Variants in SV2B observed in about 807,000 individuals in gnomAD.
SV2B encodes the protein synaptic vesicle glycoprotein 2B.
SV2B carries 41 observed loss-of-function variants against 73.9 expected under a neutral mutation model. The observed-to-expected ratio is 0.56, with a 90% CI of 0.43 to 0.72. The LOEUF is 0.72. Ranked by LOEUF, SV2B falls within the 30% of genes least tolerant of loss-of-function variation. The probability of loss-of-function intolerance (pLI) is 0.00; values close to 1 mark genes in which losing one functional copy is unlikely to be tolerated. For synonymous variants in SV2B, 314 were observed against 314.2 expected (o/e 1.00, Z 0.01); for missense variants, 764 against 857.8 (o/e 0.89, Z 1.37).
rs1047630346 is a variant in SV2B at position 91,261,509 on chromosome 15, A to G, written c.1008+1100A>G. Among the ~76,000 whole-genome samples, 9 of 152,138 alleles carry G rather than the reference A, an allele frequency of 5.9e-5. No homozygotes were observed. The highest frequency in any genetic ancestry group is 2.1e-4 in the South Asian group (1 of 4,822). ...CCTTGTTCCTGTAAATATTAGTGCA[A>G]TGAACCTTCTTGTGCACATAGTTCC... On this transcript the variant is annotated intron_variant, in intron 6 of 12. Transcript: ENST00000394232. The surrounding 1 kb of genome is among the most constrained non-coding windows in gnomAD (Gnocchi z 4.7).
rs773035725 is a variant in SV2B at position 91,226,172 on chromosome 15, TA to T, written c.-90del. ...GAACATATTTCACATTTGAACTACA[TA>T]ATGAATGATGGTTATTGAAATAGCC... On this transcript the variant is annotated 5_prime_UTR_variant, in exon 2 of 13. It adds an upstream start codon to the 5' untranslated region. Coordinates refer to ENST00000394232, the MANE Select transcript of SV2B (RefSeq NM_001323032.3). 11 of 1,239,184 alleles carry T rather than the reference TA, an allele frequency of 8.9e-6. No homozygotes were observed. The highest frequency in any genetic ancestry group is 1.5e-5 in the African/African-American group (1 of 65,660). 76.8% of individuals were successfully genotyped at this position (1,239,184 alleles called of 1,614,324 possible).
chr15:91,255,554 A>G (rs900620566), intron 4 of SV2B, among the ~76,000 whole-genome samples: 2 of 152,164 alleles, frequency 1.3e-5, no homozygotes, highest in African/African-American at 4.8e-5. Context: ...CCAAAATCTC[A>G]CAAATCACCA....
intron 1 of SV2B, among the ~76,000 whole-genome samples, chr15:91,186,385 A>G (rs144295476): frequency 0.023 from 3,437 of 152,318 alleles, 59 homozygotes; most frequent in Non-Finnish European, 0.033. Context: ...GCATCATGAT[A>G]AATAGAAAAA....
chr15:91,293,512 C>T lies in SV2B; in HGVS notation c.*960C>T, dbSNP rs1481796311. 1 of 152,202 alleles carries T rather than the reference C, an allele frequency of 6.6e-6. No homozygotes were observed. Among genetic ancestry groups the T allele is most frequent in the African/African-American group, 2.4e-5 (1 of 41,442 alleles). 9.4% of individuals were successfully genotyped at this position (152,202 alleles called of 1,614,324 possible). A position where few individuals can be genotyped will look rare whatever the true frequency, so the allele number is the denominator to read the frequency against. Reference sequence around the variant, plus strand: ...AGTGAGTAGTTACTTCTCTCCCTTACACAGATGACTTGTGAAACTCAAGCT... The same window carrying T: ...AGTGAGTAGTTACTTCTCTCCCTTATACAGATGACTTGTGAAACTCAAGCT... On this transcript the variant is annotated 3_prime_UTR_variant, in exon 13 of 13. Coordinates refer to ENST00000394232, the MANE Select transcript of SV2B (RefSeq NM_001323032.3).
chr15:91,226,739 C>T, intron 2 of SV2B, 25 bp downstream of exon 2: 1 of 1,591,236 alleles, frequency 6.3e-7, no homozygotes, highest in Non-Finnish European at 8.5e-7. Context: ...CCAATGATCC[C>T]TCCAATGAAA....
chr15:91,248,718 G>C (rs1040532747), intron 2 of SV2B, among the ~76,000 whole-genome samples: 2 of 152,208 alleles, frequency 1.3e-5, no homozygotes, highest in African/African-American at 4.8e-5. Flanking sequence ...GCCTCAGCTG[G>C]CAGCTTGTTA....
Position 91,281,935 on chromosome 15 carries a change from CA to C in SV2B, c.1507+75del, listed in dbSNP as rs141611149. On this transcript the variant is annotated intron_variant, in intron 10 of 12. Coordinates refer to ENST00000394232, the MANE Select transcript of SV2B (RefSeq NM_001323032.3). This position sits in a 1 kb window ranked among gnomAD's most constrained non-coding sequence, Gnocchi z 4.7. ...TGTGTTGTCCAAGAATCAAAATGGTCAGGCATAAACTTTAGGAGTAGGAAAG... is the reference window on the plus strand; with the variant it reads ...TGTGTTGTCCAAGAATCAAAATGGTCGGCATAAACTTTAGGAGTAGGAAAG... 2,865 of 1,483,772 alleles carry C rather than the reference CA, an allele frequency of 1.9e-3. 54 individuals carry two copies. In the African/African-American group the frequency reaches 0.037, roughly 19 times the overall value. The allele number at this position is 1,483,772 out of a possible 1,614,324, so 91.9% of individuals were successfully genotyped here.
At position 91,251,931 on chromosome 15, in the gene SV2B, C is replaced by T. The variant is rs758503750; in HGVS notation, c.564C>T (p.Phe188=). The T allele has an allele frequency of 1.2e-5, 19 of 1,614,034 alleles. No individual in the cohort carries two copies. The highest frequency in any genetic ancestry group is 3.3e-4 in the Middle Eastern group (2 of 6,084). Residue 188 remains phenylalanine, a synonymous_variant, in exon 3 of 13, where the codon TTC becomes TTT. Transcript: ENST00000394232. The stretch of plus-strand genomic sequence containing the variant: ...TGTCTCTGGCCGTCAATGCCTCCTT[C>T]GCCTCCCTCTCTTCCTTCGTGCAGG... The part of the protein sequence containing the change: ...LSMSLAVNAS[F]ASLSSFVQGY...
intron 1 of SV2B, among the ~76,000 whole-genome samples, chr15:91,147,464 A>AT (rs2043178737): frequency 6.6e-6 from 1 of 152,028 alleles, no homozygotes; most frequent in Non-Finnish European, 1.5e-5. Flanking sequence ...GGACAGCAGG[A>AT]TTTTTTCCTG....
chr15:91,152,772 C>A (rs2043354048), intron 1 of SV2B, among the ~76,000 whole-genome samples: 1 of 152,152 alleles, frequency 6.6e-6, no homozygotes, highest in Non-Finnish European at 1.5e-5. Context: ...TTCTGAGCTT[C>A]CTTTCATCCC....
chr15:91,294,785 G>A lies in SV2B; in HGVS notation c.*2233G>A, dbSNP rs1365383788. The stretch of plus-strand genomic sequence containing the variant: ...GCTGGGGTGGCTGCAATAATTTGGG[G>A]GCTAACTCCATTTGGTTTCCAAGAT... On this transcript the variant is annotated 3_prime_UTR_variant, in exon 13 of 13. Coordinates refer to ENST00000394232, the MANE Select transcript of SV2B (RefSeq NM_001323032.3). The surrounding 1 kb of genome is among the most constrained non-coding windows in gnomAD (Gnocchi z 4.1). 1 of 152,074 alleles carries A rather than the reference G, an allele frequency of 6.6e-6. No individual in the cohort carries two copies. Among genetic ancestry groups the A allele is most frequent in the Non-Finnish European group, 1.5e-5 (1 of 68,020 alleles). The allele number at this position is 152,074 out of a possible 1,614,324, so 9.4% of individuals were successfully genotyped here.
Position 91,241,438 on chromosome 15 carries a change from G to T in SV2B, c.452-10381G>T, listed in dbSNP as rs2047009678. Among the ~76,000 whole-genome samples the T allele has an allele frequency of 6.6e-6, 1 of 152,148 alleles. No individual in the cohort carries two copies. The highest frequency in any genetic ancestry group is 1.5e-5 in the Non-Finnish European group (1 of 68,028). On this transcript the variant is annotated intron_variant, in intron 2 of 12. Coordinates refer to ENST00000394232, the MANE Select transcript of SV2B (RefSeq NM_001323032.3). This position sits in a 1 kb window ranked among gnomAD's most constrained non-coding sequence, Gnocchi z 4.8. ...CTAAATTGATGATGCAGAGCCTCCA[G>T]AGGATCCTTTGTGCTGCCAGCCATC... is the stretch of plus-strand genomic sequence containing the variant.
chr15:91,242,672 T>C lies in SV2B; in HGVS notation c.452-9147T>C, dbSNP rs1408030676. On this transcript the variant is annotated intron_variant, in intron 2 of 12. Transcript: ENST00000394232. This position sits in a 1 kb window ranked among gnomAD's most constrained non-coding sequence, Gnocchi z 4.9. ...ACATCAGTATCCAGGGGTTGCTTAA[T>C]ACTTGATAAAAGGGTGAATAGCAGA... Among the ~76,000 whole-genome samples, 1 of 152,220 alleles carries C rather than the reference T, an allele frequency of 6.6e-6. No individual in the cohort carries two copies. The highest frequency in any genetic ancestry group is 2.4e-5 in the African/African-American group (1 of 41,448).
At chr15:91,273,434 TG>T (rs1278117982) in intron 9 of SV2B, among the ~76,000 whole-genome samples, 1 of 152,232 alleles carries the variant, frequency 6.6e-6, no homozygotes, top group Non-Finnish European at 1.5e-5. Context: ...AGGTCCTGCA[TG>T]GTTCTTGTGG....
At chr15:91,154,613 G>T (rs1028164072) in intron 1 of SV2B, among the ~76,000 whole-genome samples, 1 of 152,114 alleles carries the variant, frequency 6.6e-6, no homozygotes, top group African/African-American at 2.4e-5. Context: ...TGAGGTCATA[G>T]TGGATTAGAG....
intron 2 of SV2B, among the ~76,000 whole-genome samples, chr15:91,246,714 C>A (rs916277105): frequency 5.7e-5 from 4 of 70,378 alleles, no homozygotes; most frequent in Non-Finnish European, 9.6e-5. Context: ...CTCCTTTCAA[C>A]CTCCTCCTCC....
In SV2B at chr15:91,292,522, G is replaced by T. The variant is rs778360782; in HGVS notation, c.2022G>T (p.Leu674=). 6.2e-7 allele frequency: 1 copy of T among 1,613,940 alleles called. No individual in the cohort carries two copies. The highest frequency in any genetic ancestry group is 1.3e-5 in the African/African-American group (1 of 75,036). The change falls in exon 13 of 13, where the codon CTG becomes CTT. Residue 674 remains leucine, a synonymous_variant. Transcript: ENST00000394232. ...LVGGGLIALR[L]PETREQVLM ...GGGGTGGCCTGATTGCCCTTCGACT[G>T]CCAGAGACTCGAGAACAGGTCCTGA...
intron 2 of SV2B, among the ~76,000 whole-genome samples, chr15:91,249,300 T>C (rs2047386867): frequency 6.6e-6 from 1 of 152,256 alleles, no homozygotes; most frequent in Non-Finnish European, 1.5e-5. Context: ...CTCAATGTCT[T>C]TCTCTTGGAA....
At chr15:91,150,920 C>G (rs909793243) in intron 1 of SV2B, among the ~76,000 whole-genome samples, 12 of 152,292 alleles carry the variant, frequency 7.9e-5, no homozygotes, top group African/African-American at 2.9e-4. Context: ...CCCCTCTGCT[C>G]CTGGGCTAGA....
Sources: allele counts gnomAD v4.1 joint callset (sites outside exome capture counted in the v4.1 genomes callset), GRCh38; gene constraint gnomAD v4.1.1; non-coding constraint Gnocchi (gnomAD v3.1); transcripts MANE v1.5; gene names NCBI Gene and HGNC (gene_info 2026-07-23, HGNC 2026-07-21).